The following IL13RA1 variants were observed in gnomAD, a reference collection of about 807,000 sequenced individuals.
IL13RA1 encodes interleukin-13 receptor subunit alpha-1.
Under a neutral mutation model 33.8 loss-of-function variants are expected in IL13RA1, and 14 were observed. The observed-to-expected ratio is 0.41, with a 90% confidence interval of 0.27 to 0.65. The LOEUF is 0.65. Among genes scored for constraint, IL13RA1 ranks in the 30% least tolerant of loss-of-function variants. The pLI is 0.28. For synonymous variants in IL13RA1, 116 were observed against 115.7 expected (o/e 1.00, Z -0.02); for missense variants, 313 against 327.0 (o/e 0.96, Z 0.33).
chrX:118,742,791 G>A (rs1348313505), intron 2 of IL13RA1, among the ~76,000 whole-genome samples: 1 of 111,076 alleles, frequency 9.0e-6, no homozygotes, highest in Non-Finnish European at 1.9e-5. Flanking sequence ...GAATATGGAT[G>A]GTGTGTGCAT....
chrX:118,792,144 GA>G lies in IL13RA1; in HGVS notation c.*291del, dbSNP rs774730360. 147 of 157,963 alleles carry G rather than the reference GA, an allele frequency of 9.3e-4. No individual in the cohort carries two copies. The highest frequency in any genetic ancestry group is 2.4e-3 in the Middle Eastern group (1 of 409). The allele number at this position is 157,963 out of a possible 1,213,427, so 13.0% of individuals were successfully genotyped here. On this transcript the variant is annotated 3_prime_UTR_variant, in exon 11 of 11. Transcript: ENST00000371666. ...ATAGTGGTGGAGTTAATCTTATCAAGAGTTGTGACAACTTCCTGAGGGATCT... is the reference window on the plus strand; with the variant it reads ...ATAGTGGTGGAGTTAATCTTATCAAGGTTGTGACAACTTCCTGAGGGATCT...
At chrX:118,770,179 G>A (rs1485172443) in intron 8 of IL13RA1, 5 of 274,630 alleles carry the variant, frequency 1.8e-5, no homozygotes, top group East Asian at 1.0e-4. Context: ...CCGCGACAAC[G>A]CGCAGCTGAG....
At chrX:118,763,663 C>G (rs920383051) in intron 6 of IL13RA1, among the ~76,000 whole-genome samples, 1 of 112,007 alleles carries the variant, frequency 8.9e-6, no homozygotes, top group Non-Finnish European at 1.9e-5. Flanking sequence ...AAAACTAAGG[C>G]TCAGAGAGGT....
chrX:118,745,869 A>G (rs1409586300), intron 2 of IL13RA1, among the ~76,000 whole-genome samples: 2 of 111,499 alleles, frequency 1.8e-5, no homozygotes, highest in African/African-American at 6.5e-5. Context: ...CATTAATCTT[A>G]TTATTCTCAG....
intron 2 of IL13RA1, among the ~76,000 whole-genome samples, chrX:118,742,529 A>T (rs2017355644): frequency 8.9e-6 from 1 of 112,438 alleles, no homozygotes; most frequent in Admixed American, 9.4e-5. Context: ...GTTGTCAAGG[A>T]TCAATCAGGT....
chrX:118,727,680 G>C lies in IL13RA1; in HGVS notation c.42G>C (p.Leu14=). The change falls in exon 1 of 11, where the codon CTG becomes CTC. Residue 14 remains leucine (L), a synonymous_variant. Transcript: ENST00000371666. ...GGCTCTGCGGGCTGTGGGCGCTGCTGCTCTGCGCCGGCGGCGGGGGCGGGG... is the reference window on the plus strand; with the variant it reads ...GGCTCTGCGGGCTGTGGGCGCTGCTCCTCTGCGCCGGCGGCGGGGGCGGGG... ...PARLCGLWAL[L]LCAGGGGGGG... 5.5e-6 allele frequency: 5 copies of C among 914,159 alleles called. No individual in the cohort carries two copies. Among genetic ancestry groups the C allele is most frequent in the Non-Finnish European group, 6.8e-6 (5 of 739,095 alleles). The allele number at this position is 914,159 out of a possible 1,213,427, so 75.3% of individuals were successfully genotyped here.
In IL13RA1 at chrX:118,794,043, T is replaced by C. The variant is rs968588457; in HGVS notation, c.*2189T>C. 8.0e-5 allele frequency: 9 copies of C among 112,467 alleles called. No homozygotes were observed. Among genetic ancestry groups the C allele is most frequent in the African/African-American group, 2.9e-4 (9 of 30,941 alleles). 9.3% of individuals were successfully genotyped at this position (112,467 alleles called of 1,213,427 possible). ...CTCCCCCTAGCCATTTTTACTGTTA[T>C]CCTATTTAGATGGCCATGAAGAGGA... On this transcript the variant is annotated 3_prime_UTR_variant, in exon 11 of 11. Transcript: ENST00000371666.
intron 4 of IL13RA1, among the ~76,000 whole-genome samples, chrX:118,754,929 G>A (rs910712477): frequency 9.4e-6 from 1 of 106,363 alleles, no homozygotes; most frequent in African/African-American, 3.4e-5. Flanking sequence ...ATAAAATACG[G>A]AGTCTTTCTT....
intron 2 of IL13RA1, among the ~76,000 whole-genome samples, chrX:118,746,591 G>A (rs747328366): frequency 1.8e-5 from 2 of 110,550 alleles, no homozygotes; most frequent in South Asian, 3.8e-4. Context: ...TAAAATGTGG[G>A]AAATTGTTGT....
At chrX:118,735,276 A>G (rs1319088776) in intron 1 of IL13RA1, among the ~76,000 whole-genome samples, 1 of 110,551 alleles carries the variant, frequency 9.0e-6, no homozygotes, top group Non-Finnish European at 1.9e-5. Context: ...TTTTAGTTTC[A>G]TTGATTTTCT....
intron 8 of IL13RA1, among the ~76,000 whole-genome samples, chrX:118,771,333 T>G (rs2017718243): frequency 9.0e-6 from 1 of 111,497 alleles, no homozygotes; most frequent in African/African-American, 3.3e-5. Flanking sequence ...GGATGGAGAG[T>G]GAGACCCACA....
chrX:118,785,222 T>G (rs1262033999), intron 10 of IL13RA1, among the ~76,000 whole-genome samples: 1 of 110,895 alleles, frequency 9.0e-6, no homozygotes, highest in Non-Finnish European at 1.9e-5. Flanking sequence ...CTCAGCCTCC[T>G]GAATAGCTGG....
At chrX:118,799,074 C>G (rs113339504), downstream of IL13RA1, among the ~76,000 whole-genome samples, 271 of 113,091 alleles carry the variant, frequency 2.4e-3, 5 homozygotes, top group South Asian at 0.039. Flanking sequence ...CTGCTGGCCC[C>G]GGGCAATGGG....
downstream of IL13RA1, among the ~76,000 whole-genome samples, chrX:118,798,241 A>G (rs1324611729): frequency 9.0e-6 from 1 of 111,683 alleles, no homozygotes; most frequent in African/African-American, 3.3e-5. Flanking sequence ...CATTATACTT[A>G]TATAAATATT....
chrX:118,737,865 T>C (rs1333496034), intron 1 of IL13RA1, among the ~76,000 whole-genome samples: 1 of 111,599 alleles, frequency 9.0e-6, no homozygotes, highest in Non-Finnish European at 1.9e-5. Flanking sequence ...GTTTCTTGGA[T>C]GTGTTTCTGG....
intron 1 of IL13RA1, among the ~76,000 whole-genome samples, chrX:118,730,101 T>C (rs1490961034): frequency 8.9e-6 from 1 of 111,941 alleles, no homozygotes; most frequent in Non-Finnish European, 1.9e-5. Context: ...GGCCAGGAGT[T>C]TGAGCCTGGC....
At chrX:118,746,326 G>A (rs1340247070) in intron 2 of IL13RA1, among the ~76,000 whole-genome samples, 1 of 110,606 alleles carries the variant, frequency 9.0e-6, no homozygotes, top group Non-Finnish European at 1.9e-5. Flanking sequence ...TTTTGCCCAG[G>A]CTGGTCTCGA....
At position 118,773,902 on chromosome X, in the gene IL13RA1, T is replaced by C. The variant is rs1569458326; in HGVS notation, c.1033T>C (p.Tyr345His). 9.5e-7 allele frequency: 1 copy of C among 1,053,083 alleles called. No individual in the cohort carries two copies. The highest frequency in any genetic ancestry group is 1.3e-6 in the Non-Finnish European group (1 of 751,245). 86.8% of individuals were successfully genotyped at this position (1,053,083 alleles called of 1,213,427 possible). ...AGGTAAGAAGCGCAATTCCACACTC[T>C]ACATAACCATGTTACTCATTGTTCC... ...SIGKKRNSTL[Y>H]ITMLLIVPVI... Residue 345 changes from tyrosine (Y) to histidine (H), a missense_variant, in exon 9 of 11, where the codon TAC becomes CAC. Tyr to His is a moderately conservative substitution (Grantham distance 83, BLOSUM62 2). Transcript: ENST00000371666.
At chrX:118,747,558 T>G (rs983629016) in intron 3 of IL13RA1, among the ~76,000 whole-genome samples, 2 of 111,346 alleles carry the variant, frequency 1.8e-5, no homozygotes, top group African/African-American at 3.3e-5. Flanking sequence ...CTCTTACCCA[T>G]TATGTGTGAT....
Sources: allele counts gnomAD v4.1 joint callset (sites outside exome capture counted in the v4.1 genomes callset), GRCh38; gene constraint gnomAD v4.1.1; transcripts MANE v1.5; gene names NCBI Gene and HGNC (gene_info 2026-07-23, HGNC 2026-07-21).